The following CCND3 variants were observed in gnomAD, a reference collection of about 807,000 sequenced individuals.
The protein encoded by CCND3 is cyclin D3, also known as G1/S-specific cyclin-D3.
Under a neutral mutation model 28.7 loss-of-function variants are expected in CCND3, and 9 were observed. That is an observed-to-expected ratio of 0.31 (90% CI 0.19 to 0.55). CCND3 has a LOEUF of 0.55. Among genes scored for constraint, CCND3 ranks in the 20% least tolerant of loss-of-function variants. The pLI, the probability that CCND3 is intolerant of heterozygous loss-of-function variation, is 0.93. For missense variants in CCND3, 315 were observed against 385.8 expected (o/e 0.82, Z 1.54); for synonymous variants, 164 against 163.9 (o/e 1.00, Z 0.00).
At chr6:41,947,585 C>G (rs916487905) in intron 1 of CCND3, among the ~76,000 whole-genome samples, 3 of 152,198 alleles carry the variant, frequency 2.0e-5, no homozygotes, top group African/African-American at 7.2e-5. Context: ...CACAGAGGAG[C>G]TATTAATAAT....
intron 1 of CCND3, among the ~76,000 whole-genome samples, chr6:42,015,588 T>C (rs1561988029): frequency 1.3e-5 from 2 of 151,892 alleles, no homozygotes; most frequent in Admixed American, 6.6e-5. Flanking sequence ...CATGCACCTG[T>C]AGTCCCAGCT....
intron 1 of CCND3, among the ~76,000 whole-genome samples, chr6:41,995,636 T>C (rs1364452040): frequency 6.6e-6 from 1 of 152,162 alleles, no homozygotes; most frequent in Non-Finnish European, 1.5e-5. Context: ...AATGATAAAA[T>C]TGTGTATTGC....
chr6:42,002,070 G>A (rs1003461511), intron 1 of CCND3, among the ~76,000 whole-genome samples: 2 of 150,900 alleles, frequency 1.3e-5, no homozygotes, highest in African/African-American at 2.4e-5. Context: ...AGCTGAGAAA[G>A]CGCCATTGTA....
upstream of CCND3, among the ~76,000 whole-genome samples, chr6:41,944,613 G>A (rs2127397210): frequency 6.6e-6 from 1 of 152,140 alleles, no homozygotes; most frequent in African/African-American, 2.4e-5. Context: ...GTAGATACGG[G>A]ATTTCACCAT....
intron 1 of CCND3, among the ~76,000 whole-genome samples, chr6:41,999,503 C>T (rs1004028500): frequency 1.3e-5 from 2 of 152,072 alleles, no homozygotes; most frequent in South Asian, 4.1e-4. Context: ...CGTGCCTGGC[C>T]GATAATTATT....
At chr6:41,952,067 C>A (rs1351375691) in intron 1 of CCND3, among the ~76,000 whole-genome samples, 1 of 152,106 alleles carries the variant, frequency 6.6e-6, no homozygotes, top group East Asian at 1.9e-4. Flanking sequence ...CAGCCTAGAT[C>A]CCACTTGTTA....
At chr6:42,003,162 C>CAAAAAAAAAAAAAAAAAAA (rs55721061) in intron 1 of CCND3, among the ~76,000 whole-genome samples, 1 of 110,346 alleles carries the variant, frequency 9.1e-6, no homozygotes, top group African/African-American at 3.4e-5. Flanking sequence ...AACAGCGTGT[C>CAAAAAAAAAAAAAAAAAAA]AAAAAAAAAA....
chr6:42,039,094 C>T (rs1764302028), intron 1 of CCND3, among the ~76,000 whole-genome samples: 1 of 152,218 alleles, frequency 6.6e-6, no homozygotes, highest in South Asian at 2.1e-4. Flanking sequence ...CCAGGCTTAA[C>T]ATAATGCTTA....
At chr6:42,034,111 C>T (rs1337524888) in intron 1 of CCND3, among the ~76,000 whole-genome samples, 3 of 150,532 alleles carry the variant, frequency 2.0e-5, no homozygotes, top group Non-Finnish European at 4.4e-5. Context: ...GATTGCACCA[C>T]TGCACCCCAG....
intron 1 of CCND3, among the ~76,000 whole-genome samples, chr6:41,951,522 A>G (rs925254817): frequency 2.2e-5 from 3 of 136,848 alleles, no homozygotes; most frequent in Admixed American, 7.9e-5. Flanking sequence ...AGATCATGTC[A>G]CTGCACTCCA....
At chr6:41,966,606 A>G (rs954370185) in intron 1 of CCND3, among the ~76,000 whole-genome samples, 17 of 152,012 alleles carry the variant, frequency 1.1e-4, no homozygotes, top group Admixed American at 3.9e-4. Context: ...TGTTGTCTGT[A>G]TATCTCCATA....
intron 1 of CCND3, among the ~76,000 whole-genome samples, chr6:41,971,595 T>A (rs1251707121): frequency 6.6e-6 from 1 of 151,366 alleles, no homozygotes; most frequent in African/African-American, 2.4e-5. Flanking sequence ...AGGCTGGAGT[T>A]CAGTGGCATG....
intron 1 of CCND3, among the ~76,000 whole-genome samples, chr6:42,008,091 T>C (rs1019148759): frequency 2.6e-5 from 4 of 152,058 alleles, no homozygotes; most frequent in Non-Finnish European, 4.4e-5. Context: ...AAAATAGTAG[T>C]ATCTCTTGGC....
intron 1 of CCND3, among the ~76,000 whole-genome samples, chr6:42,024,865 C>T (rs1176266740): frequency 6.6e-6 from 1 of 152,092 alleles, no homozygotes; most frequent in African/African-American, 2.4e-5. Flanking sequence ...TCGAGACCAG[C>T]CTGACTAATA....
chr6:41,999,495 T>C (rs1762924976), intron 1 of CCND3, among the ~76,000 whole-genome samples: 2 of 152,118 alleles, frequency 1.3e-5, no homozygotes, highest in South Asian at 2.1e-4. Context: ...TGAGCCACCG[T>C]GCCTGGCCGA....
At chr6:42,026,654 T>G (rs571170883) in intron 1 of CCND3, among the ~76,000 whole-genome samples, 2 of 152,144 alleles carry the variant, frequency 1.3e-5, no homozygotes, top group East Asian at 3.9e-4. Context: ...TCTTGTACCT[T>G]TGGTACTAGA....
chr6:42,013,773 T>C (rs1002408093), intron 1 of CCND3, among the ~76,000 whole-genome samples: 7 of 152,210 alleles, frequency 4.6e-5, no homozygotes, highest in Admixed American at 2.0e-4. Flanking sequence ...GCCAAGCCAT[T>C]CATTCAAGAA....
chr6:42,029,957 C>T (rs1043344305), intron 1 of CCND3: 2 of 152,196 alleles, frequency 1.3e-5, no homozygotes, highest in African/African-American at 2.4e-5. Flanking sequence ...CTATTTCAAC[C>T]ATTCTCCCAC....
At position 42,015,512 on chromosome 6, in the gene CCND3, C is replaced by T. The variant is rs146141881; in HGVS notation, c.-46+32989G>A. 2.6e-3 allele frequency among the ~76,000 whole-genome samples: 396 copies of T among 152,240 alleles called. 2 individuals carry two copies. The highest frequency in any genetic ancestry group is 9.2e-3 in the African/African-American group (384 of 41,552). The stretch of plus-strand genomic sequence containing the variant: ...GATCACGAGGTCAGGAGATGGAGGT[C>T]ATCCTGGCTAACACGGTGAAATCTC... On this transcript the variant is annotated intron_variant, in intron 1 of 4. Coordinates refer to the CCND3 transcript ENST00000372988.
Sources: allele counts gnomAD v4.1 joint callset (sites outside exome capture counted in the v4.1 genomes callset), GRCh38; gene constraint gnomAD v4.1.1; transcripts MANE v1.5; gene names NCBI Gene and HGNC (gene_info 2026-07-23, HGNC 2026-07-21).